Variants in ANKZF1 observed in about 807,000 individuals in gnomAD.
ANKZF1 encodes ankyrin repeat and zinc finger peptidyl tRNA hydrolase 1.
ANKZF1 carries 84 observed loss-of-function variants against 86.0 expected under a neutral mutation model. The observed-to-expected ratio is 0.98, with a 90% confidence interval of 0.82 to 1.17. ANKZF1 has a LOEUF of 1.17. Ranked by LOEUF, ANKZF1 falls within the 50% of genes most tolerant of loss-of-function variation. ANKZF1 has a pLI of 0.00. For synonymous variants in ANKZF1, 331 were observed against 354.2 expected (o/e 0.93, Z 0.74); for missense variants, 893 against 918.4 (o/e 0.97, Z 0.36).
chr2:219,230,641 T>A (rs1003199723), intron 2 of ANKZF1: 1 of 411,616 alleles, frequency 2.4e-6, no homozygotes, highest in Non-Finnish European at 4.2e-6. Flanking sequence ...AAAAACACTT[T>A]AAACTTTGTA....
Position 219,230,296 on chromosome 2 carries a change from G to A in ANKZF1, c.39G>A (p.Ser13=), listed in dbSNP as rs766858315. 5.0e-6 allele frequency: 8 copies of A among 1,613,758 alleles called. No individual in the cohort carries two copies. In the Admixed American group the frequency reaches 5.0e-5, roughly 10 times the overall value. ...CAGATGCAGCCCCGGCTCCTGCGTC[G>A]ATCTCCCTGTTTGACCTCAGCGCGG... ...PAPDAAPAPA[S]ISLFDLSADA... is the part of the protein sequence containing the mutation. Residue 13 remains serine, a synonymous_variant, in exon 2 of 14, where the codon TCG becomes TCA. Coordinates refer to ENST00000323348, the MANE Select transcript of ANKZF1 (RefSeq NM_018089.3).
At position 219,235,614 on chromosome 2, in the gene ANKZF1, G is replaced by A. The variant is rs377045540; in HGVS notation, c.1803+29G>A. 1.2e-5 allele frequency: 20 copies of A among 1,613,312 alleles called. 1 individual carries two copies. Among genetic ancestry groups the A allele is most frequent in the African/African-American group, 2.7e-5 (2 of 74,902 alleles). On this transcript the variant is annotated intron_variant, in intron 11 of 13. Coordinates refer to ENST00000323348, the MANE Select transcript of ANKZF1 (RefSeq NM_018089.3). Reference sequence around the variant, plus strand: ...ATCTGGAATAGGAAGGACAAGCAGAGTGGGAAGGCATCACAGATCCTGGCT... The same window carrying A: ...ATCTGGAATAGGAAGGACAAGCAGAATGGGAAGGCATCACAGATCCTGGCT...
chr2:219,235,515 A>G lies in ANKZF1; in HGVS notation c.1733A>G (p.Lys578Arg). 1 of 1,614,008 alleles carries G rather than the reference A, an allele frequency of 6.2e-7. No individual in the cohort carries two copies. The highest frequency in any genetic ancestry group is 8.5e-7 in the Non-Finnish European group (1 of 1,180,008). Reference protein sequence around the residue: ...ARPPYTVAADKSTRNEFRRFM... With the variant: ...ARPPYTVAADRSTRNEFRRFM... Reference sequence around the variant, plus strand: ...CCACCTTATACTGTTGCGGCTGACAAATCAACACGTAATGAGTTCCGAAGG... The same window carrying G: ...CCACCTTATACTGTTGCGGCTGACAGATCAACACGTAATGAGTTCCGAAGG... The change falls in exon 11 of 14, where the codon AAA (lysine) becomes AGA (arginine). Residue 578 changes from lysine (K) to arginine (R), a missense_variant. Transcript: ENST00000323348.
Position 219,232,661 on chromosome 2 carries a change from G to A in ANKZF1, c.536G>A (p.Arg179His), listed in dbSNP as rs1951078990. ...NAQGQFLYAY[R>H]CVLGPHQDPP... ...CAGGGCCAGTTTCTTTATGCCTACCGCTGTGTCCTAGGCCCTCATCAGGCA... is the reference window on the plus strand; with the variant it reads ...CAGGGCCAGTTTCTTTATGCCTACCACTGTGTCCTAGGCCCTCATCAGGCA... The change falls in exon 5 of 14, where the codon CGC becomes CAC. Residue 179 changes from arginine to histidine, a missense_variant. By Grantham distance (29) the Arg-to-His change is conservative. Transcript: ENST00000323348. 7 of 1,614,000 alleles carry A rather than the reference G, an allele frequency of 4.3e-6. No individual in the cohort carries two copies. The highest frequency in any genetic ancestry group is 2.2e-5 in the East Asian group (1 of 44,884).
rs569107279 is a variant in ANKZF1 at position 219,230,825 on chromosome 2, G to A, written c.148+420G>A. On this transcript the variant is annotated intron_variant, in intron 2 of 13. Transcript: ENST00000323348. ...ACGATCTCCACCCACTGCAATCTCCGTCTCCCGGGTTCAAGTGATTCTCCT... is the reference window on the plus strand; with the variant it reads ...ACGATCTCCACCCACTGCAATCTCCATCTCCCGGGTTCAAGTGATTCTCCT... 3.2e-3 allele frequency: 496 copies of A among 153,778 alleles called. 2 individuals are homozygous for A. The highest frequency in any genetic ancestry group is 0.011 in the African/African-American group (466 of 41,564). The allele number at this position is 153,778 out of a possible 1,614,324, so 9.5% of individuals were successfully genotyped here.
intron 2 of ANKZF1, chr2:219,231,673 C>T (rs865935777): frequency 4.0e-5 from 15 of 379,708 alleles, no homozygotes; most frequent in East Asian, 1.9e-4. Context: ...GGATTACAAG[C>T]GTGAGCCGCT....
intron 2 of ANKZF1, chr2:219,230,943 T>C (rs1951015928): frequency 2.0e-5 from 3 of 152,338 alleles, no homozygotes; most frequent in Admixed American, 2.0e-4. Flanking sequence ...TTCACCATGT[T>C]GGCCAGGCTG....
intron 9 of ANKZF1, 46 bp from the exon 10 acceptor site, chr2:219,234,780 T>A: frequency 6.4e-7 from 1 of 1,554,758 alleles, no homozygotes; most frequent in East Asian, 2.3e-5. Context: ...GCTTCTACCC[T>A]CTGAGTACTC....
Position 219,233,377 on chromosome 2 carries a change from C to A in ANKZF1, c.763C>A (p.Pro255Thr). 6.2e-7 allele frequency: 1 copy of A among 1,614,190 alleles called. No homozygotes were observed. The highest frequency in any genetic ancestry group is 8.5e-7 in the Non-Finnish European group (1 of 1,180,022). Residue 255 changes from proline (P) to threonine (T), a missense_variant, in exon 7 of 14, where the codon CCA becomes ACA. Coordinates refer to ENST00000323348, the MANE Select transcript of ANKZF1 (RefSeq NM_018089.3). The stretch of plus-strand genomic sequence containing the variant: ...GGGGCTTCGGGATGCCCGAGGTGGG[C>A]CATCACACTCTGCTGGAGCCAACCT... Reference protein sequence around the residue: ...AQGLRDARGGPSHSAGANLRR... With the variant: ...AQGLRDARGGTSHSAGANLRR...
intron 2 of ANKZF1, 33 bp from the exon 3 acceptor site, chr2:219,231,895 C>G: frequency 6.3e-7 from 1 of 1,583,364 alleles, no homozygotes; most frequent in East Asian, 2.2e-5. Context: ...TTTGGGCTCC[C>G]TTTCTATGTC....
At chr2:219,235,610 C>T in intron 11 of ANKZF1, 25 bp downstream of exon 11, 1 of 1,613,410 alleles carries the variant, frequency 6.2e-7, no homozygotes, top group Middle Eastern at 1.7e-4. Flanking sequence ...GAAGGACAAG[C>T]AGAGTGGGAA....
rs1183394342 is a variant in ANKZF1 at position 219,233,783 on chromosome 2, G to C, written c.888G>C (p.Leu296Phe). ...KALEEAGTIL[L>F]RAPRSGRSLF... Reference sequence around the variant, plus strand: ...TGGAGGAGGCTGGTACAATACTGTTGCGTGCTCCCCGCTCTGGCCGGTCTT... The same window carrying C: ...TGGAGGAGGCTGGTACAATACTGTTCCGTGCTCCCCGCTCTGGCCGGTCTT... The change falls in exon 8 of 14, where the codon TTG becomes TTC. Residue 296 changes from leucine (L) to phenylalanine (F), a missense_variant. Transcript: ENST00000323348. The C allele has an allele frequency of 2.4e-5, 38 of 1,614,100 alleles. No individual in the cohort carries two copies. Among genetic ancestry groups the C allele is most frequent in the Non-Finnish European group, 3.2e-5 (38 of 1,180,042 alleles).
chr2:219,233,877 A>G lies in ANKZF1; in HGVS notation c.982A>G (p.Thr328Ala). Residue 328 changes from threonine (T) to alanine (A), a missense_variant, in exon 8 of 14, where the codon ACC (threonine) becomes GCC (alanine). Coordinates refer to ENST00000323348, the MANE Select transcript of ANKZF1 (RefSeq NM_018089.3). ...DPRLWDIPLA[T>A]RRPTFQELQR... Reference sequence around the variant, plus strand: ...CCGACTTTGGGATATCCCCCTCGCCACCCGCAGACCCACCTTCCAAGAGCT... The same window carrying G: ...CCGACTTTGGGATATCCCCCTCGCCGCCCGCAGACCCACCTTCCAAGAGCT... 1 of 1,610,920 alleles carries G rather than the reference A, an allele frequency of 6.2e-7. No individual in the cohort carries two copies. The highest frequency in any genetic ancestry group is 8.5e-7 in the Non-Finnish European group (1 of 1,178,592).
rs770049065 is a variant in ANKZF1 at position 219,235,872 on chromosome 2, G to T, written c.1968G>T (p.Glu656Asp). The stretch of plus-strand genomic sequence containing the variant: ...GATTTGCCGCCCTCAGTGACCGAGA[G>T]AAGGTGAGGCTGGAGGTTCTCTTGT... ...QRRFAALSDR[E>D]KRALAAERRL... Residue 656 changes from glutamate (E) to aspartate (D), a missense_variant, in exon 12 of 14, where the codon GAG (glutamate) becomes GAT (aspartate). Glu to Asp is a conservative substitution (Grantham distance 45). Coordinates refer to ENST00000323348, the MANE Select transcript of ANKZF1 (RefSeq NM_018089.3). The T allele has an allele frequency of 6.2e-7, 1 of 1,614,182 alleles. No homozygotes were observed. Among genetic ancestry groups the T allele is most frequent in the Admixed American group, 1.7e-5 (1 of 60,028 alleles).
Position 219,234,960 on chromosome 2 carries a change from A to T in ANKZF1, c.1339A>T (p.Ser447Cys). The T allele has an allele frequency of 6.2e-7, 1 of 1,614,224 alleles. No individual in the cohort carries two copies. Among genetic ancestry groups the T allele is most frequent in the Non-Finnish European group, 8.5e-7 (1 of 1,180,042 alleles). Residue 447 changes from serine to cysteine, a missense_variant, in exon 10 of 14, where the codon AGC (serine) becomes TGC (cysteine). Ser to Cys is a moderately radical substitution (Grantham distance 112). Coordinates refer to ENST00000323348, the MANE Select transcript of ANKZF1 (RefSeq NM_018089.3). The part of the protein sequence containing the change: ...RRRKRNKKEK[S>C]RDQEAGAHRT... ...GAGAAAAAGGAATAAGAAGGAGAAAAGCCGAGACCAGGAGGCTGGGGCACA... is the reference window on the plus strand; with the variant it reads ...GAGAAAAAGGAATAAGAAGGAGAAATGCCGAGACCAGGAGGCTGGGGCACA...
At chr2:219,236,157 G>C in intron 13 of ANKZF1, 62 bp downstream of exon 13, 1 of 1,605,406 alleles carries the variant, frequency 6.2e-7, no homozygotes, top group Non-Finnish European at 8.5e-7. Context: ...TTGGGGGCAA[G>C]AGAAATGAGT....
chr2:219,232,386 T>A (rs572744276), intron 4 of ANKZF1, 24 bp downstream of exon 4: 1 of 1,612,896 alleles, frequency 6.2e-7, no homozygotes, highest in East Asian at 2.2e-5. Context: ...GGGGGACCTA[T>A]GTAGGAGTAG....
intron 9 of ANKZF1, 180 bp downstream of exon 9, chr2:219,234,468 G>T: frequency 1.2e-6 from 1 of 833,286 alleles, no homozygotes; most frequent in South Asian, 1.6e-5. Context: ...TTTTGTTATG[G>T]ATGTTTCCCC....
chr2:219,234,824 A>G lies in ANKZF1; in HGVS notation c.1205-2A>G, dbSNP rs548641996. On this transcript the variant is annotated splice_acceptor_variant, in intron 9 of 13. Transcript: ENST00000323348. LOFTEE classifies it high-confidence loss of function. ...GATTTCACATGTCAGGTTTTTCCCT[A>G]GGTTCAGGGTCGGAGGGAGAAGATG... is the stretch of plus-strand genomic sequence containing the variant. 9.4e-5 allele frequency: 151 copies of G among 1,601,498 alleles called. No homozygotes were observed. The South Asian group carries it at 1.3e-3, about 14-fold the overall frequency.
Sources: gnomAD v4.1 joint callset for allele counts on GRCh38, gnomAD v4.1.1 for gene constraint, MANE v1.5 for transcripts, NCBI Gene and HGNC (gene_info 2026-07-23, HGNC 2026-07-21) for gene names.